SIM1: variants seen among roughly 807,000 people sequenced by gnomAD.
SIM1 encodes the protein SIM bHLH transcription factor 1, also known as single-minded homolog 1.
A neutral mutation model predicts 78.2 loss-of-function variants in SIM1; 18 were observed. The ratio of observed to expected loss-of-function variants is 0.23; its 90% CI spans 0.16 to 0.34. SIM1 has a LOEUF of 0.34. Among genes scored for constraint, SIM1 ranks in the 10% least tolerant of loss-of-function variants. SIM1 has a pLI of 1.00. For missense variants in SIM1, 939 were observed against 975.1 expected (o/e 0.96, Z 0.49); for synonymous variants, 417 against 385.2 (o/e 1.08, Z -0.97).
At chr6:100,461,080 C>T (rs1473485838) in intron 2 of SIM1, among the ~76,000 whole-genome samples, 3 of 114,062 alleles carry the variant, frequency 2.6e-5, no homozygotes, top group Non-Finnish European at 5.3e-5. Context: ...GTCCGGGGCT[C>T]GGGGGAAGGT....
chr6:100,432,321 A>G (rs1771925418), intron 9 of SIM1, among the ~76,000 whole-genome samples: 1 of 152,180 alleles, frequency 6.6e-6, no homozygotes. Context: ...TCTCATTTGT[A>G]GGTCTGGGGT....
rs762042848 is a variant in SIM1 at position 100,390,395 on chromosome 6, T to C, written c.2267A>G (p.Lys756Arg). Residue 756 changes from lysine to arginine, a missense_variant, in exon 12 of 12, where the codon AAG becomes AGG. Around this residue, in one of 5 missense-constraint regions of SIM1, gnomAD observed 556 missense variants for 521.9 expected, o/e 1.07. Coordinates refer to ENST00000369208, the MANE Select transcript of SIM1 (RefSeq NM_005068.3). ...GTTGGTTATTATAACAGATGTTCCC[T>C]TGTGTCCTTGTGCTGGGTCTGGTTG... ...RMQPDPAQGH[K>R]GTSVIITNGS 42 of 1,613,970 alleles carry C rather than the reference T, an allele frequency of 2.6e-5. No homozygotes were observed. The East Asian group carries it at 8.9e-4, about 34-fold the overall frequency.
chr6:100,429,748 A>G lies in SIM1; in HGVS notation c.999-8790T>C, dbSNP rs541627984. 5.3e-5 allele frequency among the ~76,000 whole-genome samples: 8 copies of G among 152,338 alleles called. No individual in the cohort carries two copies. In the East Asian group the frequency reaches 5.8e-4, roughly 11 times the overall value. ...ATCAGCAAAATATTTCTTTGTAAAA[A>G]AACACTAATTGAGGGAAATTTCATG... On this transcript the variant is annotated intron_variant, in intron 9 of 11. Transcript: ENST00000369208.
At chr6:100,420,731 C>G in intron 10 of SIM1, 59 bp downstream of exon 10, 1 of 1,505,942 alleles carries the variant, frequency 6.6e-7, no homozygotes, top group Non-Finnish European at 9.2e-7. Context: ...ACTTTCTCAA[C>G]TTCAAGTTCA....
Position 100,450,323 on chromosome 6 carries a change from C to G in SIM1, c.292G>C (p.Asp98His). 1 of 1,614,102 alleles carries G rather than the reference C, an allele frequency of 6.2e-7. No individual in the cohort carries two copies. Among genetic ancestry groups the G allele is most frequent in the South Asian group, 1.1e-5 (1 of 91,078 alleles). The change falls in exon 4 of 12, where the codon GAT becomes CAT. Residue 98 changes from aspartate to histidine, a missense_variant. This residue lies in a region of SIM1 where 121 missense variants were observed against 124.6 expected (regional missense o/e 0.97). Coordinates refer to ENST00000369208, the MANE Select transcript of SIM1 (RefSeq NM_005068.3). ...LDGFIFVVAPDGKIMYISETA... is the reference protein window; with the variant it reads ...LDGFIFVVAPHGKIMYISETA... ...TCTGAGATGTACATGATCTTCCCAT[C>G]TGGGGCTACCACGAAGATGAAGCCA...
intron 9 of SIM1, among the ~76,000 whole-genome samples, chr6:100,422,970 A>AAT (rs1235146078): frequency 6.6e-6 from 1 of 152,196 alleles, no homozygotes; most frequent in Non-Finnish European, 1.5e-5. Flanking sequence ...CTTACTATCA[A>AAT]ATAATCCATC....
At position 100,463,713 on chromosome 6, in the gene SIM1, G is replaced by C. The variant is rs1772917022; in HGVS notation, c.-245C>G. 2.7e-6 allele frequency: 1 copy of C among 368,480 alleles called. No homozygotes were observed. Among genetic ancestry groups the C allele is most frequent in the African/African-American group, 2.0e-5 (1 of 48,920 alleles). The allele number at this position is 368,480 out of a possible 1,614,324, so 22.8% of individuals were successfully genotyped here. On this transcript the variant is annotated 5_prime_UTR_variant, in exon 2 of 12. Coordinates refer to ENST00000369208, the MANE Select transcript of SIM1 (RefSeq NM_005068.3). ...GGAAAGTTGCTGATCCACCGAATTT[G>C]GGCGATCCACCGAATTTGGGCAATC...
intron 10 of SIM1, among the ~76,000 whole-genome samples, chr6:100,419,406 C>T (rs1388569102): frequency 1.3e-5 from 2 of 152,094 alleles, no homozygotes; most frequent in Non-Finnish European, 2.9e-5. Flanking sequence ...CAACAAGCCA[C>T]TAAAATAATC....
intron 2 of SIM1, among the ~76,000 whole-genome samples, chr6:100,455,179 C>T (rs1772614530): frequency 1.3e-5 from 2 of 152,178 alleles, no homozygotes. Flanking sequence ...ACCGTGAGCG[C>T]CCCTTAAGCT....
intron 9 of SIM1, among the ~76,000 whole-genome samples, chr6:100,428,372 T>C (rs1000836257): frequency 6.6e-6 from 1 of 152,026 alleles, no homozygotes; most frequent in African/African-American, 2.4e-5. Flanking sequence ...ATACAATATA[T>C]CTACAATAGA....
At chr6:100,412,580 AAAG>A (rs1771228901) in intron 10 of SIM1, among the ~76,000 whole-genome samples, 2 of 113,544 alleles carry the variant, frequency 1.8e-5, no homozygotes, top group African/African-American at 6.3e-5. Context: ...AGAAAGAAAG[AAAG>A]AAAGAAAGAA....
chr6:100,424,285 A>T (rs971091947), intron 9 of SIM1, among the ~76,000 whole-genome samples: 4 of 152,150 alleles, frequency 2.6e-5, no homozygotes, highest in Non-Finnish European at 5.9e-5. Context: ...TTTGGTACAC[A>T]TTAAAAATAC....
chr6:100,445,835 C>T (rs1306612691), intron 9 of SIM1, among the ~76,000 whole-genome samples: 1 of 152,154 alleles, frequency 6.6e-6, no homozygotes, highest in Non-Finnish European at 1.5e-5. Context: ...CCCTTTAATA[C>T]TACTGTTTCA....
chr6:100,393,697 A>T lies in SIM1; in HGVS notation c.1360T>A (p.Ser454Thr). The change falls in exon 11 of 12, where the codon TCG (serine) becomes ACG (threonine). Residue 454 changes from serine (S) to threonine (T), a missense_variant. Physicochemically the swap from Ser to Thr is moderately conservative, Grantham distance 58 (BLOSUM62 1). Around this residue, in one of 5 missense-constraint regions of SIM1, gnomAD observed 556 missense variants for 521.9 expected, o/e 1.07. Coordinates refer to ENST00000369208, the MANE Select transcript of SIM1 (RefSeq NM_005068.3). ...AAATGCCTCTCTTCCACCAGCCTCG[A>T]GTGGTCAAGCGCAAAGCCATAGCAG... ...SLCYGFALDH[S>T]RLVEERHFHT... 1 of 1,614,114 alleles carries T rather than the reference A, an allele frequency of 6.2e-7. No homozygotes were observed. The highest frequency in any genetic ancestry group is 8.5e-7 in the Non-Finnish European group (1 of 1,179,944).
chr6:100,404,595 T>G (rs1028131439), intron 10 of SIM1, among the ~76,000 whole-genome samples: 2 of 152,194 alleles, frequency 1.3e-5, no homozygotes, highest in Admixed American at 1.3e-4. Context: ...TTCTTTTTTT[T>G]CATTCACTGT....
At chr6:100,440,524 C>G (rs1251623508) in intron 9 of SIM1, among the ~76,000 whole-genome samples, 2 of 152,196 alleles carry the variant, frequency 1.3e-5, no homozygotes, top group Non-Finnish European at 2.9e-5. Context: ...AGGAGGAGCC[C>G]TCTTCCCGGC....
chr6:100,391,740 G>A (rs1770644823), intron 11 of SIM1, among the ~76,000 whole-genome samples: 1 of 152,000 alleles, frequency 6.6e-6, no homozygotes, highest in South Asian at 2.1e-4. Context: ...AAGCATGGAT[G>A]GATATAACTG....
At chr6:100,428,270 C>T (rs1290751817) in intron 9 of SIM1, among the ~76,000 whole-genome samples, 1 of 152,100 alleles carries the variant, frequency 6.6e-6, no homozygotes, top group Non-Finnish European at 1.5e-5. Flanking sequence ...TCATCCTCAA[C>T]CATTTATTTG....
intron 10 of SIM1, among the ~76,000 whole-genome samples, chr6:100,406,686 C>T (rs1771058547): frequency 6.6e-6 from 1 of 152,100 alleles, no homozygotes; most frequent in Admixed American, 6.5e-5. Context: ...TTGCCTCAAG[C>T]TTTACTGCAG....
Sources: gnomAD v4.1 joint callset for allele counts (sites outside exome capture counted in the v4.1 genomes callset) on GRCh38, gnomAD v4.1.1 for gene constraint, gnomAD v4.1.1 regional missense constraint, MANE v1.5 for transcripts, NCBI Gene and HGNC (gene_info 2026-07-23, HGNC 2026-07-21) for gene names.